Variants in PTPRG observed in about 807,000 individuals in gnomAD.
PTPRG encodes protein tyrosine phosphatase receptor type G.
Under a neutral mutation model 165.3 loss-of-function variants are expected in PTPRG, and 102 were observed. That is an observed-to-expected ratio of 0.62 (90% CI 0.53 to 0.73). The LOEUF (loss-of-function observed/expected upper bound fraction) is 0.73. Among genes scored for constraint, PTPRG ranks in the 30% least tolerant of loss-of-function variants. PTPRG has a pLI of 0.00. For missense variants in PTPRG, 1,866 were observed against 1,861.4 expected (o/e 1.00, Z -0.05); for synonymous variants, 675 against 669.5 (o/e 1.01, Z -0.13).
At chr3:62,258,731 C>T (rs1701608537) in intron 16 of PTPRG, among the ~76,000 whole-genome samples, 1 of 152,174 alleles carries the variant, frequency 6.6e-6, no homozygotes, top group Non-Finnish European at 1.5e-5. Flanking sequence ...ACAGTATTTG[C>T]AGTCACTAGA....
intron 2 of PTPRG, among the ~76,000 whole-genome samples, chr3:61,815,452 C>T (rs1271234624): frequency 6.6e-6 from 1 of 151,958 alleles, no homozygotes; most frequent in Non-Finnish European, 1.5e-5. Flanking sequence ...TTTCATTTTA[C>T]TGTCTTGATT....
intron 1 of PTPRG, among the ~76,000 whole-genome samples, chr3:61,605,750 T>C (rs982592406): frequency 7.9e-5 from 12 of 152,132 alleles, no homozygotes; most frequent in Admixed American, 7.2e-4. Flanking sequence ...TCTAGTTTTA[T>C]GTTTGTAGAG....
chr3:61,830,110 C>G (rs953705246), intron 2 of PTPRG, among the ~76,000 whole-genome samples: 1 of 152,150 alleles, frequency 6.6e-6, no homozygotes, highest in Non-Finnish European at 1.5e-5. Context: ...ACATCACAAG[C>G]TGGTCAAATT....
intron 2 of PTPRG, among the ~76,000 whole-genome samples, chr3:61,806,577 C>A (rs1246045299): frequency 7.1e-6 from 1 of 141,136 alleles, no homozygotes; most frequent in Non-Finnish European, 1.5e-5. Flanking sequence ...TATATTGCAT[C>A]TTAGTGAATA....
chr3:61,730,236 T>G (rs1483981818), intron 1 of PTPRG, among the ~76,000 whole-genome samples: 2 of 147,536 alleles, frequency 1.4e-5, no homozygotes, highest in Non-Finnish European at 3.0e-5. Context: ...GCAGCTACAG[T>G]GCCTCAGCTG....
intron 6 of PTPRG, among the ~76,000 whole-genome samples, chr3:62,135,024 G>A (rs1375583522): frequency 1.3e-5 from 2 of 152,154 alleles, no homozygotes; most frequent in African/African-American, 4.8e-5. Context: ...TATAATCCCA[G>A]AACTTTGGGA....
intron 5 of PTPRG, among the ~76,000 whole-genome samples, chr3:62,084,207 T>C (rs1218264594): frequency 6.6e-6 from 1 of 152,226 alleles, no homozygotes; most frequent in Non-Finnish European, 1.5e-5. Context: ...TCAATAGGTA[T>C]ATTTCTGAAT....
chr3:61,909,729 T>G (rs537728798), intron 2 of PTPRG, among the ~76,000 whole-genome samples: 1 of 151,582 alleles, frequency 6.6e-6, no homozygotes, highest in African/African-American at 2.4e-5. Flanking sequence ...AGTTTAAACC[T>G]CAAGGGTAGC....
intron 2 of PTPRG, among the ~76,000 whole-genome samples, chr3:61,817,074 T>G (rs1177155346): frequency 1.5e-5 from 2 of 132,368 alleles, no homozygotes; most frequent in African/African-American, 5.6e-5. Flanking sequence ...AATACATATA[T>G]TATATATAAT....
intron 5 of PTPRG, among the ~76,000 whole-genome samples, chr3:62,098,599 A>G (rs1187063816): frequency 1.3e-5 from 2 of 152,172 alleles, no homozygotes; most frequent in Non-Finnish European, 2.9e-5. Context: ...TCAGAGGTTA[A>G]GTAACTTGCC....
chr3:61,868,225 C>G (rs2037464029), intron 2 of PTPRG, among the ~76,000 whole-genome samples: 1 of 152,122 alleles, frequency 6.6e-6, no homozygotes, highest in Non-Finnish European at 1.5e-5. Context: ...ATGCAGTGGA[C>G]CCTGTTAGAT....
chr3:61,969,869 A>G (rs2107656860), intron 2 of PTPRG, among the ~76,000 whole-genome samples: 1 of 152,302 alleles, frequency 6.6e-6, no homozygotes, highest in African/African-American at 2.4e-5. Context: ...GTACACACCC[A>G]TGTCCTTTCT....
chr3:61,749,128 C>A, intron 2 of PTPRG, 146 bp downstream of exon 2: 1 of 752,728 alleles, frequency 1.3e-6, no homozygotes, highest in Non-Finnish European at 2.3e-6. Flanking sequence ...ATATTCGAGC[C>A]TGTTTTTCCT....
In PTPRG at chr3:61,985,090, C is replaced by T. The variant is rs114407229; in HGVS notation, c.191-4535C>T. On this transcript the variant is annotated intron_variant, in intron 2 of 29. Coordinates refer to ENST00000474889, the MANE Select transcript of PTPRG (RefSeq NM_002841.4). ...TAAGGTGACTTTTGCTAGGCCTCTC[C>T]ACTGGGAACTTACTCACTAAATCTA... Among the ~76,000 whole-genome samples the T allele has an allele frequency of 6.5e-3, 986 of 152,316 alleles. 4 individuals carry two copies. Among genetic ancestry groups the T allele is most frequent in the African/African-American group, 0.022 (934 of 41,570 alleles).
intron 2 of PTPRG, among the ~76,000 whole-genome samples, chr3:61,759,822 G>C (rs935135028): frequency 6.6e-6 from 1 of 151,322 alleles, no homozygotes; most frequent in Admixed American, 6.6e-5. Flanking sequence ...AAATCAAGGA[G>C]AAAGTGAGTT....
At chr3:62,050,851 A>G (rs1700448995) in intron 4 of PTPRG, among the ~76,000 whole-genome samples, 3 of 152,188 alleles carry the variant, frequency 2.0e-5, no homozygotes, top group South Asian at 2.1e-4. Flanking sequence ...GCTCCATCCT[A>G]CATCCCTCTA....
chr3:62,130,769 T>G (rs1703484456), intron 5 of PTPRG, among the ~76,000 whole-genome samples: 1 of 152,216 alleles, frequency 6.6e-6, no homozygotes, highest in African/African-American at 2.4e-5. Context: ...AAATACGATG[T>G]TTCTTCTAAT....
intron 1 of PTPRG, among the ~76,000 whole-genome samples, chr3:61,728,143 G>C (rs571332628): frequency 1.3e-5 from 2 of 152,332 alleles, no homozygotes; most frequent in East Asian, 3.9e-4. Flanking sequence ...TTGGAGATGA[G>C]TGAATTACAG....
rs117013413 is a variant in PTPRG at position 61,991,055 on chromosome 3, G to A, written c.370+1251G>A. Among the ~76,000 whole-genome samples, 41 of 152,178 alleles carry A rather than the reference G, an allele frequency of 2.7e-4. No individual in the cohort carries two copies. In the East Asian group the frequency reaches 7.3e-3, roughly 27 times the overall value. ...TAGAATTGCTTCCCACTCACTTAGC[G>A]CAGTGATTCCTGGCTTTGGGCCTTT... On this transcript the variant is annotated intron_variant, in intron 3 of 29. Transcript: ENST00000474889.
Sources: allele counts gnomAD v4.1 joint callset (sites outside exome capture counted in the v4.1 genomes callset), GRCh38; gene constraint gnomAD v4.1.1; transcripts MANE v1.5; gene names NCBI Gene and HGNC (gene_info 2026-07-23, HGNC 2026-07-21).